Variants in KIF26B observed in about 807,000 individuals in gnomAD.
KIF26B encodes the protein kinesin family member 26B, also known as kinesin-like protein KIF26B.
KIF26B carries 63 observed loss-of-function variants against 151.2 expected under a neutral mutation model. The ratio of observed to expected loss-of-function variants is 0.42; its 90% confidence interval spans 0.34 to 0.51. KIF26B has a LOEUF of 0.51. Among genes scored for constraint, KIF26B ranks in the 20% least tolerant of loss-of-function variants. The pLI, the probability that KIF26B is intolerant of heterozygous loss-of-function variation, is 0.07. For synonymous variants in KIF26B, 1,357 were observed against 1,262.1 expected (o/e 1.08, Z -1.59); for missense variants, 2,813 against 2,913.6 (o/e 0.97, Z 0.79).
At chr1:245,430,421 T>TA (rs35619356) in intron 4 of KIF26B, among the ~76,000 whole-genome samples, 5,657 of 152,076 alleles carry the variant, frequency 0.037, 359 homozygotes, top group African/African-American at 0.13. Context: ...TCCCAGTACT[T>TA]TGAGAGGCTG....
chr1:245,374,862 T>C (rs1320178616), intron 3 of KIF26B, among the ~76,000 whole-genome samples: 1 of 152,138 alleles, frequency 6.6e-6, no homozygotes, highest in African/African-American at 2.4e-5. Context: ...AGCTTATGAA[T>C]ATGGATGGGG....
intron 2 of KIF26B, among the ~76,000 whole-genome samples, chr1:245,340,045 T>C (rs1310195753): frequency 6.6e-6 from 1 of 152,218 alleles, no homozygotes; most frequent in Non-Finnish European, 1.5e-5. Flanking sequence ...GTCGTCTTTC[T>C]TACTGTCCTT....
chr1:245,678,659 T>G (rs141307263), intron 10 of KIF26B, among the ~76,000 whole-genome samples: 5 of 152,062 alleles, frequency 3.3e-5, no homozygotes, highest in East Asian at 1.9e-4. Flanking sequence ...GTCAGGAGAT[T>G]GAGACCATCG....
intron 2 of KIF26B, among the ~76,000 whole-genome samples, chr1:245,207,217 AAG>A (rs1213546156): frequency 6.6e-6 from 1 of 152,234 alleles, no homozygotes; most frequent in African/African-American, 2.4e-5. Context: ...GCACTCAAAA[AAG>A]AGATTTCTCA....
intron 2 of KIF26B, among the ~76,000 whole-genome samples, chr1:245,250,090 A>G (rs1670414618): frequency 6.6e-6 from 1 of 152,216 alleles, no homozygotes; most frequent in South Asian, 2.1e-4. Context: ...GCATGTTGAC[A>G]TACTTTCTTC....
At chr1:245,543,927 G>A (rs925092236) in intron 5 of KIF26B, among the ~76,000 whole-genome samples, 4 of 152,092 alleles carry the variant, frequency 2.6e-5, no homozygotes, top group African/African-American at 4.8e-5. Context: ...CAGCCTTGAC[G>A]ACAGAGCGAG....
intron 2 of KIF26B, among the ~76,000 whole-genome samples, chr1:245,331,315 C>CAGGG (rs1227159360): frequency 6.6e-6 from 1 of 151,912 alleles, no homozygotes; most frequent in Non-Finnish European, 1.5e-5. Flanking sequence ...GCCTCACAAG[C>CAGGG]AGGGCACAAG....
At chr1:245,469,933 G>C (rs1030007578) in intron 4 of KIF26B, among the ~76,000 whole-genome samples, 1 of 151,926 alleles carries the variant, frequency 6.6e-6, no homozygotes, top group Non-Finnish European at 1.5e-5. Context: ...CCAAATGAGT[G>C]GTACTGGAAG....
intron 4 of KIF26B, among the ~76,000 whole-genome samples, chr1:245,521,317 A>C (rs529297817): frequency 6.7e-6 from 1 of 150,308 alleles, no homozygotes; most frequent in Non-Finnish European, 1.5e-5. Context: ...ATCCAGCCTG[A>C]GTGACAGAGC....
chr1:245,347,301 T>TTTTC lies in KIF26B; in HGVS notation c.466-19513_466-19510dup, dbSNP rs751670427. ...ATCTCATTAACTACTGTCCCCTTTCTTTTCTTTCTTTCTTTCTTTCTTTTT... is the reference window on the plus strand; with the variant it reads ...ATCTCATTAACTACTGTCCCCTTTCTTTTCTTTCTTTCTTTCTTTCTTTCTTTTT... On this transcript the variant is annotated intron_variant, in intron 2 of 14. Transcript: ENST00000407071. 1.7e-3 allele frequency among the ~76,000 whole-genome samples: 260 copies of TTTTC among 152,098 alleles called. 1 individual carries two copies. The highest frequency in any genetic ancestry group is 2.1e-3 in the Admixed American group (32 of 15,284).
intron 2 of KIF26B, among the ~76,000 whole-genome samples, chr1:245,201,192 A>C (rs1190261530): frequency 6.6e-6 from 1 of 152,224 alleles, no homozygotes; most frequent in African/African-American, 2.4e-5. Context: ...CTCAGTACAC[A>C]CACTGCCTCG....
At chr1:245,346,377 A>G (rs145662814) in intron 2 of KIF26B, among the ~76,000 whole-genome samples, 66 of 152,236 alleles carry the variant, frequency 4.3e-4, no homozygotes, top group African/African-American at 1.4e-3. Context: ...GTTTGGTGCT[A>G]GCGCCTCATC....
chr1:245,685,666 G>T lies in KIF26B; in HGVS notation c.2683G>T (p.Ala895Ser). ...CCCAGACTTTGTCCCTATCGTGCCA[G>T]CCCTGCAGAAGACCCGGGGCGACAG... The part of the protein sequence containing the change: ...GPPDFVPIVP[A>S]LQKTRGDSRP... Residue 895 changes from alanine (A) to serine (S), a missense_variant, in exon 12 of 15, where the codon GCC (alanine) becomes TCC (serine). By Grantham distance (99) the Ala-to-Ser change is moderately conservative. Around this residue, in one of 3 missense-constraint regions of KIF26B, gnomAD observed 2,060 missense variants for 2,088.6 expected, o/e 0.99. Coordinates refer to ENST00000407071, the MANE Select transcript of KIF26B (RefSeq NM_018012.4). 6.2e-7 allele frequency: 1 copy of T among 1,613,186 alleles called. No individual in the cohort carries two copies. Among genetic ancestry groups the T allele is most frequent in the Non-Finnish European group, 8.5e-7 (1 of 1,179,824 alleles).
At chr1:245,320,875 A>G (rs1026067034) in intron 2 of KIF26B, among the ~76,000 whole-genome samples, 2 of 152,014 alleles carry the variant, frequency 1.3e-5, no homozygotes, top group African/African-American at 4.8e-5. Context: ...ATGGGGTTTC[A>G]TTGTATCGGT....
chr1:245,229,800 C>T (rs1669954269), intron 2 of KIF26B, among the ~76,000 whole-genome samples: 1 of 152,148 alleles, frequency 6.6e-6, no homozygotes, highest in South Asian at 2.1e-4. Flanking sequence ...TTTATTCATT[C>T]TCCTGTTGAT....
intron 10 of KIF26B, among the ~76,000 whole-genome samples, chr1:245,683,491 C>A (rs1190129343): frequency 6.6e-6 from 1 of 152,136 alleles, no homozygotes; most frequent in Non-Finnish European, 1.5e-5. Flanking sequence ...AAAGACGTAG[C>A]AACACTCCCT....
rs577170388 is a variant in KIF26B, at chr1:245,705,086, T to C, written c.*2480T>C. On this transcript the variant is annotated 3_prime_UTR_variant, in exon 15 of 15. Transcript: ENST00000407071. ...GGGGAGTGGCATTCGGCTTGCCTCCTGCCTAAATCTGCTTTTATCCATTTG... is the reference window on the plus strand; with the variant it reads ...GGGGAGTGGCATTCGGCTTGCCTCCCGCCTAAATCTGCTTTTATCCATTTG... The C allele has an allele frequency of 1.8e-4, 28 of 152,318 alleles. No homozygotes were observed. The East Asian group carries it at 5.4e-3, about 29-fold the overall frequency. 9.4% of individuals were successfully genotyped at this position (152,318 alleles called of 1,614,324 possible). A position where few individuals can be genotyped will look rare whatever the true frequency, so the allele number is the denominator to read the frequency against.
rs150670134 is a variant in KIF26B at position 245,525,263 on chromosome 1, G to A, written c.1167-15504G>A. Among the ~76,000 whole-genome samples, 11 of 152,246 alleles carry A rather than the reference G, an allele frequency of 7.2e-5. No homozygotes were observed. In the East Asian group the frequency reaches 2.1e-3, roughly 29 times the overall value. ...AAAGTAAGTTATTTCTGTCTATGGA[G>A]GCAAAGGCTCACGTAGGAAGTGAAG... On this transcript the variant is annotated intron_variant, in intron 4 of 14. Coordinates refer to ENST00000407071, the MANE Select transcript of KIF26B (RefSeq NM_018012.4).
chr1:245,212,738 A>C (rs1227252718), intron 2 of KIF26B, among the ~76,000 whole-genome samples: 1 of 152,224 alleles, frequency 6.6e-6, no homozygotes, highest in Non-Finnish European at 1.5e-5. Flanking sequence ...TCGGGCCCCG[A>C]GTCAGCCGTG....
Sources: allele counts gnomAD v4.1 joint callset (sites outside exome capture counted in the v4.1 genomes callset), GRCh38; gene constraint gnomAD v4.1.1; regional missense constraint gnomAD v4.1.1; transcripts MANE v1.5; gene names NCBI Gene and HGNC (gene_info 2026-07-23, HGNC 2026-07-21).